SCARB1: variants seen among roughly 807,000 people sequenced by gnomAD.
SCARB1 encodes the protein scavenger receptor class B member 1.
SCARB1 carries 30 observed loss-of-function variants against 57.2 expected under a neutral mutation model. The observed-to-expected ratio is 0.52, with a 90% CI of 0.39 to 0.71. The LOEUF (loss-of-function observed/expected upper bound fraction) is 0.71. SCARB1 is among the 30% of genes least tolerant of loss of function. SCARB1 has a pLI of 0.00. For missense variants in SCARB1, 543 were observed against 671.2 expected (o/e 0.81, Z 2.11); for synonymous variants, 249 against 268.3 (o/e 0.93, Z 0.70).
rs1391960365 is a variant in SCARB1, at chr12:124,822,880, C to T, written c.127-5173G>A. Among the ~76,000 whole-genome samples, 1 of 151,916 alleles carries T rather than the reference C, an allele frequency of 6.6e-6. No individual in the cohort carries two copies. On this transcript the variant is annotated intron_variant, in intron 1 of 12. Coordinates refer to ENST00000261693, the MANE Select transcript of SCARB1 (RefSeq NM_005505.5). This position sits in a 1 kb window ranked among gnomAD's most constrained non-coding sequence, Gnocchi z 5.0. Reference sequence around the variant, plus strand: ...TCCAGTCTGGGCCACAAAGCAAGACCCTGTCTGAAAAAAACAACAGCAACA... The same window carrying T: ...TCCAGTCTGGGCCACAAAGCAAGACTCTGTCTGAAAAAAACAACAGCAACA...
At chr12:124,828,190 T>C (rs1209062555) in intron 1 of SCARB1, among the ~76,000 whole-genome samples, 1 of 151,842 alleles carries the variant, frequency 6.6e-6, no homozygotes, top group African/African-American at 2.4e-5. Flanking sequence ...TCGGTAAATG[T>C]GTGATGGATG....
chr12:124,804,075 A>C (rs1000740313), intron 7 of SCARB1, among the ~76,000 whole-genome samples: 2 of 151,894 alleles, frequency 1.3e-5, no homozygotes, highest in African/African-American at 2.4e-5. Flanking sequence ...AGCCTTCCCT[A>C]CTTTCAGCCT....
At chr12:124,782,644 G>C in intron 12 of SCARB1, 39 bp downstream of exon 12, 2 of 1,606,884 alleles carry the variant, frequency 1.2e-6, no homozygotes, top group Non-Finnish European at 1.7e-6. Context: ...CTTGATATGG[G>C]AGGGGGCGGG....
At chr12:124,824,098 C>T (rs547359530) in intron 1 of SCARB1, among the ~76,000 whole-genome samples, 3 of 150,636 alleles carry the variant, frequency 2.0e-5, no homozygotes, top group Non-Finnish European at 4.4e-5. Flanking sequence ...CGCTTGAACC[C>T]GGGAGGCGGA....
intron 1 of SCARB1, among the ~76,000 whole-genome samples, chr12:124,851,943 A>G (rs531957504): frequency 6.6e-6 from 1 of 152,212 alleles, no homozygotes; most frequent in South Asian, 2.1e-4. Context: ...CCCGGCCTAT[A>G]AATGGTTCCA....
intron 1 of SCARB1, among the ~76,000 whole-genome samples, chr12:124,848,375 C>G (rs1258935173): frequency 1.3e-5 from 2 of 152,236 alleles, no homozygotes; most frequent in Non-Finnish European, 2.9e-5. Flanking sequence ...AGCCACCACG[C>G]CCGGCCAATT....
At chr12:124,787,357 C>A (rs1436265958) in intron 10 of SCARB1, 49 bp downstream of exon 10, 1 of 1,586,356 alleles carries the variant, frequency 6.3e-7, no homozygotes. Context: ...CAAATGCCCA[C>A]ATTGGCTCTT....
intron 1 of SCARB1, among the ~76,000 whole-genome samples, chr12:124,840,418 C>T (rs1387357051): frequency 1.3e-5 from 2 of 152,154 alleles, no homozygotes; most frequent in East Asian, 1.9e-4. Flanking sequence ...CCTTGTGATC[C>T]GCCCACCTTG....
intron 1 of SCARB1, 85 bp downstream of exon 1, chr12:124,863,510 C>G (rs1952987104): frequency 6.8e-7 from 1 of 1,462,016 alleles, no homozygotes; most frequent in Admixed American, 2.0e-5. Context: ...GGTCGCCCAC[C>G]CACCGCAACG....
At chr12:124,803,465 G>T (rs1020504702) in intron 7 of SCARB1, among the ~76,000 whole-genome samples, 2 of 152,000 alleles carry the variant, frequency 1.3e-5, no homozygotes, top group Non-Finnish European at 2.9e-5. Context: ...CAGCTACTCA[G>T]GAGGCTGGGG....
chr12:124,815,313 C>G (rs906405926), intron 2 of SCARB1, among the ~76,000 whole-genome samples, 199 bp from the exon 3 acceptor site: 2 of 152,184 alleles, frequency 1.3e-5, no homozygotes, highest in Non-Finnish European at 2.9e-5. Flanking sequence ...ATGGTGTCGC[C>G]GCCCACCCGG....
chr12:124,825,521 A>C (rs115773167), intron 1 of SCARB1, among the ~76,000 whole-genome samples: 2,190 of 151,828 alleles, frequency 0.014, 67 homozygotes, highest in African/African-American at 0.051. Flanking sequence ...AACTACAAAA[A>C]TTACCCAAGC....
At chr12:124,846,582 C>T (rs926338048) in intron 1 of SCARB1, among the ~76,000 whole-genome samples, 1 of 151,948 alleles carries the variant, frequency 6.6e-6, no homozygotes, top group African/African-American at 2.4e-5. Context: ...AACCCCATCT[C>T]TACTAAAAAT....
At chr12:124,838,675 C>T (rs1460249303) in intron 1 of SCARB1, among the ~76,000 whole-genome samples, 2 of 152,028 alleles carry the variant, frequency 1.3e-5, no homozygotes, top group Non-Finnish European at 2.9e-5. Flanking sequence ...CAGCCCAACC[C>T]ATTCAAGCAG....
chr12:124,857,394 T>A (rs1952684208), intron 1 of SCARB1, among the ~76,000 whole-genome samples: 1 of 152,210 alleles, frequency 6.6e-6, no homozygotes. Flanking sequence ...GACAAAGATT[T>A]CCCAAAAGGC....
At chr12:124,806,791 A>G (rs1371138158) in intron 7 of SCARB1, among the ~76,000 whole-genome samples, 1 of 152,062 alleles carries the variant, frequency 6.6e-6, no homozygotes, top group Non-Finnish European at 1.5e-5. Context: ...GGTCCCAGCT[A>G]CTCAGGAGGC....
Position 124,830,109 on chromosome 12 carries a change from G to T in SCARB1, c.127-12402C>A, listed in dbSNP as rs1452006968. Among the ~76,000 whole-genome samples, 4 of 152,124 alleles carry T rather than the reference G, an allele frequency of 2.6e-5. No individual in the cohort carries two copies. In the East Asian group the frequency reaches 7.7e-4, roughly 29 times the overall value. On this transcript the variant is annotated intron_variant, in intron 1 of 12. Coordinates refer to ENST00000261693, the MANE Select transcript of SCARB1 (RefSeq NM_005505.5). ...TGGAGCCACCCACCAGCCCTGGGTG[G>T]CTTAGTCATCAGAGAAATGTCCACT...
chr12:124,781,850 T>C (rs1158718594), intron 12 of SCARB1, among the ~76,000 whole-genome samples: 1 of 151,834 alleles, frequency 6.6e-6, no homozygotes, highest in East Asian at 1.9e-4. Flanking sequence ...GTTCAGTTGA[T>C]GCCTACATTC....
chr12:124,790,570 C>T (rs1949689079), intron 9 of SCARB1, among the ~76,000 whole-genome samples: 2 of 152,180 alleles, frequency 1.3e-5, no homozygotes, highest in Non-Finnish European at 2.9e-5. Flanking sequence ...ACTCCCAACA[C>T]TGCAAGATAG....
Sources: gnomAD v4.1 joint callset for allele counts (sites outside exome capture counted in the v4.1 genomes callset) on GRCh38, gnomAD v4.1.1 for gene constraint, Gnocchi (gnomAD v3.1) non-coding constraint, MANE v1.5 for transcripts, NCBI Gene and HGNC (gene_info 2026-07-23, HGNC 2026-07-21) for gene names.